Variants in C1orf146 observed in about 807,000 individuals in gnomAD.
The protein encoded by C1orf146 is chromosome 1 open reading frame 146.
Under a neutral mutation model 23.0 loss-of-function variants are expected in C1orf146, and 22 were observed. That is an observed-to-expected ratio of 0.96 (90% CI 0.68 to 1.36). The LOEUF (loss-of-function observed/expected upper bound fraction) is 1.36. C1orf146 is among the 40% of genes most tolerant of loss of function. C1orf146 has a pLI of 0.00. For missense variants in C1orf146, 199 were observed against 206.8 expected, an observed-to-expected ratio of 0.96 and a Z score of 0.23; for synonymous variants, 59 against 65.3, an observed-to-expected ratio of 0.90 and a Z score of 0.47.
At chr1:92,241,947 A>G (rs12088549) in intron 2 of C1orf146, among the ~76,000 whole-genome samples, 7,255 of 152,232 alleles carry the variant, frequency 0.048, 585 homozygotes, top group African/African-American at 0.16. Flanking sequence ...ACAGTTTTTT[A>G]ATGCTGTCTT....
At chr1:92,231,554 C>T (rs2100736547) in intron 2 of C1orf146, 68 bp downstream of exon 2, 1 of 1,067,686 alleles carries the variant, frequency 9.4e-7, no homozygotes, top group Non-Finnish European at 1.4e-6. Context: ...TATAGAACAA[C>T]ATTTTAAAAG....
chr1:92,244,915 C>A, intron 5 of C1orf146, 58 bp downstream of exon 5: 1 of 967,194 alleles, frequency 1.0e-6, no homozygotes. Flanking sequence ...TTTTAACTTC[C>A]AATTGTCACC....
At chr1:92,241,469 C>T (rs1008470134) in intron 2 of C1orf146, among the ~76,000 whole-genome samples, 3 of 151,710 alleles carry the variant, frequency 2.0e-5, no homozygotes, top group South Asian at 2.1e-4. Flanking sequence ...CCAAGGTCTC[C>T]GTAGCCACCA....
rs1273617868 is a variant in C1orf146 at position 92,224,205 on chromosome 1, C to A, written c.-40+6157C>A. Among the ~76,000 whole-genome samples the A allele has an allele frequency of 4.0e-5, 6 of 151,898 alleles. No homozygotes were observed. The East Asian group carries it at 1.2e-3, about 29-fold the overall frequency. On this transcript the variant is annotated intron_variant, in intron 1 of 5. Transcript: ENST00000370375. ...AGCTGGGACTACAGGCGCCCACCAC[C>A]ACACCTGGCTAATTTTTTGTATTTT...
intron 2 of C1orf146, among the ~76,000 whole-genome samples, chr1:92,231,790 A>G (rs1367455546): frequency 1.3e-5 from 2 of 151,958 alleles, no homozygotes; most frequent in East Asian, 3.9e-4. Flanking sequence ...GCAAATATAT[A>G]TTAGTTAAGG....
At chr1:92,225,085 T>C (rs1342093113) in intron 1 of C1orf146, among the ~76,000 whole-genome samples, 2 of 150,154 alleles carry the variant, frequency 1.3e-5, no homozygotes, top group East Asian at 3.9e-4. Context: ...TAATTTGACA[T>C]CATTCTTCTT....
Position 92,242,139 on chromosome 1 carries a change from T to C in C1orf146, c.67-73T>C, listed in dbSNP as rs548121280. On this transcript the variant is annotated intron_variant, in intron 2 of 5. Transcript: ENST00000370375. The stretch of plus-strand genomic sequence containing the variant: ...AGTTATAAAACAACATATTAAACTT[T>C]TAATTTTTTCTTTAGCTTTAATACA... 1.6e-4 allele frequency: 119 copies of C among 736,832 alleles called. 2 individuals carry two copies. The highest frequency in any genetic ancestry group is 1.5e-3 in the South Asian group (65 of 42,638). The allele number at this position is 736,832 out of a possible 1,614,324, so 45.6% of individuals were successfully genotyped here.
intron 2 of C1orf146, among the ~76,000 whole-genome samples, chr1:92,236,937 C>T (rs1417584375): frequency 4.6e-5 from 7 of 152,198 alleles, no homozygotes; most frequent in African/African-American, 1.4e-4. Context: ...ACGTACTTCT[C>T]GTGCCTTGGC....
chr1:92,236,841 C>T (rs955280377), intron 2 of C1orf146, among the ~76,000 whole-genome samples: 2 of 152,210 alleles, frequency 1.3e-5, no homozygotes, highest in Non-Finnish European at 2.9e-5. Context: ...CTTCCCTTCT[C>T]GCTTCATTTC....
Position 92,244,221 on chromosome 1 carries a change from T to G in C1orf146, c.165T>G (p.Val55=). 1 of 1,581,012 alleles carries G rather than the reference T, an allele frequency of 6.3e-7. No homozygotes were observed. The highest frequency in any genetic ancestry group is 8.6e-7 in the Non-Finnish European group (1 of 1,160,578). Reference sequence around the variant, plus strand: ...TATTCAATTCACCTTTCCTAGGAGTTGCATTTTTATTAATGGATACTAAGG... The same window carrying G: ...TATTCAATTCACCTTTCCTAGGAGTGGCATTTTTATTAATGGATACTAAGG... ...NGSIIFSLSG[V]AFLLMDTKEC... Residue 55 remains valine, a synonymous_variant, in exon 4 of 6, where the codon GTT becomes GTG. Coordinates refer to ENST00000370375, the MANE Select transcript of C1orf146 (RefSeq NM_001012425.2).
intron 3 of C1orf146, 38 bp from the exon 4 acceptor site, chr1:92,244,179 A>G (rs1227416818): frequency 6.9e-7 from 1 of 1,446,094 alleles, no homozygotes; most frequent in Admixed American, 2.0e-5. Context: ...TCATCTCTAT[A>G]ACAAAGTGAC....
At chr1:92,226,418 C>CAT (rs1553129897) in intron 1 of C1orf146, among the ~76,000 whole-genome samples, 5 of 149,580 alleles carry the variant, frequency 3.3e-5, no homozygotes, top group African/African-American at 1.3e-4. Context: ...CACACACATA[C>CAT]ACACACACAC....
chr1:92,245,711 ATAAT>A lies in C1orf146; in HGVS notation c.*40_*43del, dbSNP rs1652606993. 1 of 1,360,810 alleles carries A rather than the reference ATAAT, an allele frequency of 7.3e-7. No homozygotes were observed. The highest frequency in any genetic ancestry group is 1.0e-6 in the Non-Finnish European group (1 of 993,814). 84.3% of individuals were successfully genotyped at this position (1,360,810 alleles called of 1,614,324 possible). A position where few individuals can be genotyped will look rare whatever the true frequency, so the allele number is the denominator to read the frequency against. On this transcript the variant is annotated 3_prime_UTR_variant, in exon 6 of 6. Coordinates refer to ENST00000370375, the MANE Select transcript of C1orf146 (RefSeq NM_001012425.2). ...AATGTTTTTCTCGAAGAATGTGAAA[ATAAT>A]TAGACCTGTTAAATTATAATATTCA...
intron 2 of C1orf146, among the ~76,000 whole-genome samples, chr1:92,238,595 A>G (rs532724734): frequency 2.0e-5 from 3 of 150,198 alleles, no homozygotes; most frequent in Non-Finnish European, 4.5e-5. Flanking sequence ...AATACTTTCT[A>G]ATTTTACCAT....
At chr1:92,239,200 G>C (rs1166957811) in intron 2 of C1orf146, among the ~76,000 whole-genome samples, 1 of 152,154 alleles carries the variant, frequency 6.6e-6, no homozygotes, top group Non-Finnish European at 1.5e-5. Flanking sequence ...GTGTGTATTT[G>C]ATAGATTCAC....
chr1:92,224,760 C>CT (rs1022913342), intron 1 of C1orf146, among the ~76,000 whole-genome samples: 12 of 151,706 alleles, frequency 7.9e-5, no homozygotes, highest in Non-Finnish European at 8.8e-5. Flanking sequence ...ATTTGTTCTT[C>CT]TTTTTTTTCG....
rs1652509345 is a variant in C1orf146 at position 92,244,253 on chromosome 1, T to C, written c.197T>C (p.Leu66Pro). Residue 66 changes from leucine (L) to proline (P), a missense_variant, in exon 4 of 6, where the codon CTT (leucine) becomes CCT (proline). Coordinates refer to ENST00000370375, the MANE Select transcript of C1orf146 (RefSeq NM_001012425.2). Reference sequence around the variant, plus strand: ...TTATTAATGGATACTAAGGAATGTCTTCTGTCAACTGAAGAAATATTTCTA... The same window carrying C: ...TTATTAATGGATACTAAGGAATGTCCTCTGTCAACTGAAGAAATATTTCTA... ...AFLLMDTKEC[L>P]LSTEEIFLAK... The C allele has an allele frequency of 6.2e-7, 1 of 1,602,960 alleles. No individual in the cohort carries two copies. The highest frequency in any genetic ancestry group is 1.7e-5 in the Admixed American group (1 of 58,734).
chr1:92,226,315 G>T (rs543986384), intron 1 of C1orf146, among the ~76,000 whole-genome samples: 1 of 151,510 alleles, frequency 6.6e-6, no homozygotes, highest in Non-Finnish European at 1.5e-5. Flanking sequence ...TCAGATTAAC[G>T]CTAAATTCTG....
chr1:92,230,439 C>T (rs530622057), intron 1 of C1orf146, among the ~76,000 whole-genome samples: 1 of 151,860 alleles, frequency 6.6e-6, no homozygotes, highest in Non-Finnish European at 1.5e-5. Context: ...AGTGAAACCC[C>T]GTCTCCACTA....
Sources: gnomAD v4.1 joint callset for allele counts (sites outside exome capture counted in the v4.1 genomes callset) on GRCh38, gnomAD v4.1.1 for gene constraint, MANE v1.5 for transcripts, NCBI Gene and HGNC (gene_info 2026-07-23, HGNC 2026-07-21) for gene names.